The following ERC2 variants were observed in gnomAD, a reference collection of about 807,000 sequenced individuals.
ERC2 encodes ERC protein 2.
A neutral mutation model predicts 114.8 loss-of-function variants in ERC2; 42 were observed. That is an observed-to-expected ratio of 0.37 (90% CI 0.29 to 0.47). The LOEUF (loss-of-function observed/expected upper bound fraction) is 0.47. ERC2 is among the 20% of genes least tolerant of loss of function. The probability of loss-of-function intolerance (pLI) is 0.99; values close to 1 mark genes in which losing one functional copy is unlikely to be tolerated. For missense variants in ERC2, 939 were observed against 1,150.7 expected, an observed-to-expected ratio of 0.82 and a Z score of 2.66; for synonymous variants, 454 against 425.5, an observed-to-expected ratio of 1.07 and a Z score of -0.82.
intron 2 of ERC2, among the ~76,000 whole-genome samples, chr3:56,362,163 G>A (rs976603853): frequency 6.6e-6 from 1 of 152,316 alleles, no homozygotes; most frequent in Admixed American, 6.5e-5. Flanking sequence ...ACCAAAGCCA[G>A]AGAGACGGAG....
intron 14 of ERC2, among the ~76,000 whole-genome samples, chr3:55,839,982 TA>T (rs1204780020): frequency 4.6e-5 from 7 of 151,832 alleles, no homozygotes; most frequent in Admixed American, 3.3e-4. Flanking sequence ...GGAAAAAAAG[TA>T]AAAAGCTGGA....
At chr3:55,642,721 G>A (rs978740650) in intron 17 of ERC2, among the ~76,000 whole-genome samples, 6 of 152,110 alleles carry the variant, frequency 3.9e-5, no homozygotes, top group African/African-American at 9.7e-5. Context: ...ATCCCAAAGT[G>A]TGCCAAATAT....
At position 55,692,741 on chromosome 3, in the gene ERC2, T is replaced by C. The variant is rs773724981; in HGVS notation, c.2847+6637A>G. ...TCTCTGAAGCAGAGTATAGGTTCAG[T>C]ACTGTAAGCATCTGCCTATATGCAA... On this transcript the variant is annotated intron_variant, in intron 16 of 17. Coordinates refer to ENST00000288221, the MANE Select transcript of ERC2 (RefSeq NM_015576.3). Among the ~76,000 whole-genome samples the C allele has an allele frequency of 5.9e-5, 9 of 152,184 alleles. No homozygotes were observed. In the South Asian group the frequency reaches 6.2e-4, roughly 11 times the overall value.
intron 6 of ERC2, among the ~76,000 whole-genome samples, chr3:56,084,444 T>C (rs2077398585): frequency 6.6e-6 from 1 of 152,282 alleles, no homozygotes; most frequent in South Asian, 2.1e-4. Flanking sequence ...TGCAAATATA[T>C]GGAATCAACC....
intron 16 of ERC2, among the ~76,000 whole-genome samples, chr3:55,693,163 T>C (rs1158053567): frequency 2.0e-5 from 3 of 152,146 alleles, no homozygotes; most frequent in Non-Finnish European, 4.4e-5. Context: ...AATTACCAAG[T>C]AGAGTGGATA....
chr3:56,219,069 T>C (rs1216725365), intron 3 of ERC2, among the ~76,000 whole-genome samples: 1 of 152,022 alleles, frequency 6.6e-6, no homozygotes, highest in African/African-American at 2.4e-5. Context: ...CACACCAACA[T>C]GGCACATGCA....
rs76967641 is a variant in ERC2 at position 55,751,392 on chromosome 3, T to G, written c.2565-16474A>C. Among the ~76,000 whole-genome samples, 589 of 152,276 alleles carry G rather than the reference T, an allele frequency of 3.9e-3. 3 individuals carry two copies. Among genetic ancestry groups the G allele is most frequent in the African/African-American group, 0.014 (570 of 41,546 alleles). ...CCACAGAAGGAAAGAAAAGCTGAGT[T>G]GGTCAATGCCAATCTTTAGGAAAAT... On this transcript the variant is annotated intron_variant, in intron 14 of 17. Coordinates refer to ENST00000288221, the MANE Select transcript of ERC2 (RefSeq NM_015576.3).
intron 3 of ERC2, among the ~76,000 whole-genome samples, chr3:56,249,556 G>T (rs1460916617): frequency 1.3e-5 from 2 of 152,180 alleles, no homozygotes; most frequent in East Asian, 3.9e-4. Context: ...TCGATCTCCT[G>T]ACCTTGTGAT....
At chr3:56,446,144 C>A (rs533716800) in intron 1 of ERC2, among the ~76,000 whole-genome samples, 4 of 152,184 alleles carry the variant, frequency 2.6e-5, no homozygotes, top group Admixed American at 2.6e-4. Flanking sequence ...CACAATGATC[C>A]GGGAACATTC....
chr3:55,850,897 A>G (rs1368585897), intron 14 of ERC2, among the ~76,000 whole-genome samples: 1 of 125,320 alleles, frequency 8.0e-6, no homozygotes, highest in African/African-American at 3.4e-5. Flanking sequence ...CACACGAGAG[A>G]ACCAAAGGGC....
At chr3:56,300,908 CA>C (rs1004766524) in intron 2 of ERC2, among the ~76,000 whole-genome samples, 26 of 152,082 alleles carry the variant, frequency 1.7e-4, no homozygotes, top group African/African-American at 6.0e-4. Context: ...GTAGTAAAAG[CA>C]GACAGGTAGG....
At chr3:55,530,331 G>T (rs2053587710) in intron 17 of ERC2, among the ~76,000 whole-genome samples, 1 of 152,212 alleles carries the variant, frequency 6.6e-6, no homozygotes, top group Non-Finnish European at 1.5e-5. Flanking sequence ...AATCGTGGCA[G>T]GAAAGCAGTC....
intron 16 of ERC2, among the ~76,000 whole-genome samples, chr3:55,699,168 A>G (rs1304150279): frequency 1.3e-5 from 2 of 152,238 alleles, no homozygotes; most frequent in East Asian, 1.9e-4. Flanking sequence ...AATGCATAAC[A>G]TAAACAAGAA....
At chr3:56,354,358 A>G (rs1371431400) in intron 2 of ERC2, among the ~76,000 whole-genome samples, 1 of 152,186 alleles carries the variant, frequency 6.6e-6, no homozygotes, top group East Asian at 1.9e-4. Flanking sequence ...TGTAATGTAC[A>G]TCAGCAATTC....
intron 3 of ERC2, among the ~76,000 whole-genome samples, chr3:56,229,239 T>A (rs1028186066): frequency 6.6e-6 from 1 of 152,196 alleles, no homozygotes; most frequent in Non-Finnish European, 1.5e-5. Context: ...TCATATGTTA[T>A]TTATCAACAG....
intron 12 of ERC2, among the ~76,000 whole-genome samples, chr3:55,966,381 CCAAA>C (rs925254811): frequency 2.6e-5 from 4 of 152,072 alleles, no homozygotes; most frequent in African/African-American, 9.7e-5. Context: ...GGCAGGGTGG[CCAAA>C]CATTTAGGAA....
intron 10 of ERC2, chr3:56,003,227 T>C: frequency 3.5e-6 from 3 of 860,776 alleles, no homozygotes; most frequent in Non-Finnish European, 4.8e-6. Flanking sequence ...ATCCATGCAT[T>C]CGCACAGACG....
intron 17 of ERC2, among the ~76,000 whole-genome samples, chr3:55,573,924 C>T (rs1363073390): frequency 6.6e-6 from 1 of 152,094 alleles, no homozygotes; most frequent in Non-Finnish European, 1.5e-5. Flanking sequence ...TGTAGCGCTT[C>T]TCCTCATCAC....
chr3:55,869,571 T>C (rs1358758034), intron 14 of ERC2, among the ~76,000 whole-genome samples: 1 of 152,180 alleles, frequency 6.6e-6, no homozygotes, highest in Non-Finnish European at 1.5e-5. Flanking sequence ...GTAGTCTCAG[T>C]TGAAATGACC....
Sources: gnomAD v4.1 joint callset for allele counts (sites outside exome capture counted in the v4.1 genomes callset) on GRCh38, gnomAD v4.1.1 for gene constraint, MANE v1.5 for transcripts, NCBI Gene and HGNC (gene_info 2026-07-23, HGNC 2026-07-21) for gene names.